The following NEK1 variants were observed in gnomAD, a reference collection of about 807,000 sequenced individuals.
NEK1 encodes serine/threonine-protein kinase Nek1.
NEK1 carries 137 observed loss-of-function variants against 182.1 expected under a neutral mutation model. The observed-to-expected ratio is 0.75, with a 90% CI of 0.65 to 0.87. The LOEUF is 0.87. NEK1 is among the 40% of genes least tolerant of loss of function. NEK1 has a pLI of 0.00. For synonymous variants in NEK1, 513 were observed against 492.2 expected, an observed-to-expected ratio of 1.04 and a Z score of -0.56; for missense variants, 1,391 against 1,494.4, an observed-to-expected ratio of 0.93 and a Z score of 1.14.
rs190448893 is a variant in NEK1 at position 169,609,330 on chromosome 4, T to C, written c.-49+2690A>G. On this transcript the variant is annotated intron_variant, in intron 2 of 35. Coordinates refer to ENST00000507142, the MANE Select transcript of NEK1 (RefSeq NM_001199397.3). ...TTATAAGGGGACAGAAACTTTGATG[T>C]AGTGATTCAATTTCTAGCAATTTAC... Among the ~76,000 whole-genome samples, 14 of 152,248 alleles carry C rather than the reference T, an allele frequency of 9.2e-5. No individual in the cohort carries two copies. The East Asian group carries it at 2.3e-3, about 25-fold the overall frequency.
At chr4:169,487,147 G>A (rs1477486618) in intron 23 of NEK1, among the ~76,000 whole-genome samples, 1 of 152,102 alleles carries the variant, frequency 6.6e-6, no homozygotes, top group Non-Finnish European at 1.5e-5. Context: ...CAATAGTTAA[G>A]GCAGTGATTT....
At chr4:169,567,473 T>TC (rs1211064541) in intron 12 of NEK1, among the ~76,000 whole-genome samples, 3 of 152,052 alleles carry the variant, frequency 2.0e-5, no homozygotes, top group Non-Finnish European at 2.9e-5. Context: ...CCATCTCTGC[T>TC]CACTGCAACC....
chr4:169,609,829 C>A (rs917621697), intron 2 of NEK1, among the ~76,000 whole-genome samples: 2 of 152,100 alleles, frequency 1.3e-5, no homozygotes, highest in African/African-American at 4.8e-5. Flanking sequence ...AGTAAGAATA[C>A]TGGCTAAATC....
chr4:169,401,670 T>G lies in NEK1; in HGVS notation c.3565A>C (p.Asn1189His). The change falls in exon 33 of 36, where the codon AAC becomes CAC. Residue 1189 changes from asparagine (N) to histidine (H), a missense_variant. Around this residue, in one of 5 missense-constraint regions of NEK1, gnomAD observed 1,216 missense variants for 1,277.6 expected, o/e 0.95. Coordinates refer to ENST00000507142, the MANE Select transcript of NEK1 (RefSeq NM_001199397.3). ...CATGCACCTGAGTGCCATTCTTCGT[T>G]CAGGGCACTTTCACTGCTGGGATTG... is the stretch of plus-strand genomic sequence containing the variant. ...DDNPSSESAL[N>H]EEWHSDNSDG... The G allele has an allele frequency of 6.2e-7, 1 of 1,613,810 alleles. No homozygotes were observed. Among genetic ancestry groups the G allele is most frequent in the Non-Finnish European group, 8.5e-7 (1 of 1,179,744 alleles).
chr4:169,505,492 A>G (rs894588732), intron 23 of NEK1, among the ~76,000 whole-genome samples: 2 of 152,228 alleles, frequency 1.3e-5, no homozygotes, highest in African/African-American at 4.8e-5. Context: ...CATAACATAA[A>G]ATATATGTTA....
chr4:169,523,810 C>A (rs1302835870), intron 19 of NEK1, among the ~76,000 whole-genome samples: 1 of 152,148 alleles, frequency 6.6e-6, no homozygotes, highest in African/African-American at 2.4e-5. Context: ...TTCCTGCTAG[C>A]ATGAAACCTA....
chr4:169,496,193 G>A (rs1751236290), intron 23 of NEK1, among the ~76,000 whole-genome samples: 1 of 152,094 alleles, frequency 6.6e-6, no homozygotes, highest in Non-Finnish European at 1.5e-5. Context: ...CTCATGATTT[G>A]GCTCTCTGTT....
chr4:169,425,292 C>T (rs1736183560), intron 30 of NEK1, among the ~76,000 whole-genome samples: 1 of 152,074 alleles, frequency 6.6e-6, no homozygotes, highest in Non-Finnish European at 1.5e-5. Flanking sequence ...GGTGTAGTAG[C>T]GCATGCCTAT....
At chr4:169,476,137 C>T (rs1746903522) in intron 26 of NEK1, among the ~76,000 whole-genome samples, 1 of 152,082 alleles carries the variant, frequency 6.6e-6, no homozygotes, top group Non-Finnish European at 1.5e-5. Flanking sequence ...AGGCACTTTA[C>T]AATCATATTG....
intron 26 of NEK1, among the ~76,000 whole-genome samples, chr4:169,468,211 A>C (rs1485921271): frequency 1.3e-5 from 2 of 152,124 alleles, no homozygotes; most frequent in African/African-American, 4.8e-5. Flanking sequence ...GAGTGAAAGA[A>C]GCCAGACATA....
intron 23 of NEK1, among the ~76,000 whole-genome samples, chr4:169,489,538 C>T (rs1749677886): frequency 6.6e-6 from 1 of 152,122 alleles, no homozygotes; most frequent in Non-Finnish European, 1.5e-5. Context: ...TATTCCCTTC[C>T]CCAATGCCTA....
intron 12 of NEK1, among the ~76,000 whole-genome samples, chr4:169,570,929 T>G (rs1395006787): frequency 5.3e-5 from 8 of 152,124 alleles, no homozygotes; most frequent in Admixed American, 3.9e-4. Flanking sequence ...CAGGGTTAAA[T>G]GGATTAAGGG....
At chr4:169,400,754 GACT>G in intron 33 of NEK1, 103 bp from the exon 34 acceptor site, 1 of 757,486 alleles carries the variant, frequency 1.3e-6, no homozygotes, top group Non-Finnish European at 1.9e-6. Context: ...CATTGAAATA[GACT>G]ACTTCTACTT....
intron 23 of NEK1, among the ~76,000 whole-genome samples, chr4:169,496,582 A>G (rs1751337846): frequency 6.6e-6 from 1 of 150,648 alleles, no homozygotes; most frequent in South Asian, 2.1e-4. Flanking sequence ...CGTCCCATCA[A>G]TACATAATTT....
chr4:169,567,438 T>C (rs1181337664), intron 12 of NEK1, among the ~76,000 whole-genome samples: 1 of 152,034 alleles, frequency 6.6e-6, no homozygotes, highest in African/African-American at 2.4e-5. Flanking sequence ...TCTCGCTCTG[T>C]CACCTGGGCT....
chr4:169,527,190 T>C (rs1757012992), intron 19 of NEK1, among the ~76,000 whole-genome samples: 1 of 152,164 alleles, frequency 6.6e-6, no homozygotes. Context: ...AAAAGAAATA[T>C]GCTGTCAACC....
At chr4:169,405,039 T>C (rs1732354103) in intron 32 of NEK1, among the ~76,000 whole-genome samples, 1 of 152,142 alleles carries the variant, frequency 6.6e-6, no homozygotes, top group African/African-American at 2.4e-5. Flanking sequence ...GGCTTTGAAA[T>C]CATATATGGC....
At chr4:169,463,677 C>T (rs561524414) in intron 26 of NEK1, among the ~76,000 whole-genome samples, 149 of 152,228 alleles carry the variant, frequency 9.8e-4, no homozygotes, top group Non-Finnish European at 1.7e-3. Flanking sequence ...GACTGAGTAT[C>T]TCTTATCTGA....
chr4:169,472,549 T>C (rs991528880), intron 26 of NEK1, among the ~76,000 whole-genome samples: 1 of 152,242 alleles, frequency 6.6e-6, no homozygotes, highest in Non-Finnish European at 1.5e-5. Context: ...TTGGTCTCAC[T>C]GGGAACTGCA....
Sources: gnomAD v4.1 joint callset for allele counts (sites outside exome capture counted in the v4.1 genomes callset) on GRCh38, gnomAD v4.1.1 for gene constraint, gnomAD v4.1.1 regional missense constraint, MANE v1.5 for transcripts, NCBI Gene and HGNC (gene_info 2026-07-23, HGNC 2026-07-21) for gene names.